Variants in RARB observed in about 807,000 individuals in gnomAD.
The protein encoded by RARB is retinoic acid receptor beta, also known as HBV-activated protein.
In RARB, 17 loss-of-function variants were observed where a neutral mutation model predicts 51.9. The observed-to-expected ratio is 0.33, with a 90% CI of 0.22 to 0.49. RARB has a LOEUF of 0.49. Ranked by LOEUF, RARB falls within the 20% of genes least tolerant of loss-of-function variation. The probability of loss-of-function intolerance (pLI) is 0.99; values close to 1 mark genes in which losing one functional copy is unlikely to be tolerated. For synonymous variants in RARB, 215 were observed against 195.4 expected (o/e 1.10, Z -0.84); for missense variants, 369 against 550.8 (o/e 0.67, Z 3.30).
chr3:25,133,752 A>G (rs988185565), intron 4 of RARB, among the ~76,000 whole-genome samples: 1 of 151,940 alleles, frequency 6.6e-6, no homozygotes, highest in Non-Finnish European at 1.5e-5. Context: ...AAAGCTGTAC[A>G]CACATATGCA....
intron 2 of RARB, among the ~76,000 whole-genome samples, chr3:25,481,894 C>T (rs1238467530): frequency 6.6e-6 from 1 of 152,160 alleles, no homozygotes; most frequent in Non-Finnish European, 1.5e-5. Context: ...AGGCTATTAA[C>T]AAATTTAATA....
chr3:25,566,871 A>G (rs1289079941), intron 3 of RARB, among the ~76,000 whole-genome samples: 1 of 152,212 alleles, frequency 6.6e-6, no homozygotes, highest in East Asian at 1.9e-4. Flanking sequence ...ATTTTCAAAC[A>G]TGGTATTGTT....
chr3:25,363,513 T>A (rs749914280), intron 5 of RARB, among the ~76,000 whole-genome samples: 16 of 152,180 alleles, frequency 1.1e-4, no homozygotes, highest in Non-Finnish European at 1.9e-4. Flanking sequence ...ACATCATTCT[T>A]GTCTCCTTTC....
intron 5 of RARB, among the ~76,000 whole-genome samples, chr3:25,329,850 G>T (rs945136241): frequency 2.0e-5 from 3 of 152,122 alleles, no homozygotes; most frequent in African/African-American, 7.2e-5. Flanking sequence ...ACCATGGCAC[G>T]AGAACTACGT....
intron 5 of RARB, among the ~76,000 whole-genome samples, chr3:25,404,045 A>G (rs1180414101): frequency 6.6e-6 from 1 of 152,088 alleles, no homozygotes; most frequent in African/African-American, 2.4e-5. Flanking sequence ...TAAGGGAAGA[A>G]GAGCCTAATC....
intron 5 of RARB, among the ~76,000 whole-genome samples, chr3:25,204,261 G>A (rs7625172): frequency 0.47 from 71,331 of 151,992 alleles, 17,914 homozygotes; most frequent in East Asian, 0.69. Flanking sequence ...CTCGTGCCAC[G>A]GTTTTCAGCT....
intron 5 of RARB, among the ~76,000 whole-genome samples, chr3:25,197,036 T>C (rs1485254451): frequency 2.0e-5 from 3 of 152,140 alleles, no homozygotes; most frequent in Admixed American, 1.3e-4. Flanking sequence ...ACTCTCATGG[T>C]AGTTTCTTTT....
intron 3 of RARB, among the ~76,000 whole-genome samples, chr3:25,116,749 T>C (rs1375358023): frequency 1.3e-5 from 2 of 152,070 alleles, no homozygotes; most frequent in African/African-American, 2.4e-5. Flanking sequence ...AACCAAAGCC[T>C]GCCTTTAAGT....
intron 3 of RARB, among the ~76,000 whole-genome samples, chr3:25,129,499 C>T (rs961111380): frequency 2.0e-5 from 3 of 151,990 alleles, no homozygotes; most frequent in Admixed American, 6.6e-5. Flanking sequence ...GAAATAGATT[C>T]AATAGCCTCA....
chr3:25,094,243 C>A (rs1042401605), intron 3 of RARB, among the ~76,000 whole-genome samples: 1 of 152,142 alleles, frequency 6.6e-6, no homozygotes. Context: ...ACACTAAAGT[C>A]TGTCTGAAAT....
At chr3:25,021,774 T>C (rs1162189868) in intron 2 of RARB, among the ~76,000 whole-genome samples, 1 of 152,140 alleles carries the variant, frequency 6.6e-6, no homozygotes, top group African/African-American at 2.4e-5. Flanking sequence ...GAAACAGTGT[T>C]GGCCAGAAAG....
intron 5 of RARB, among the ~76,000 whole-genome samples, chr3:25,340,583 C>G (rs1006080252): frequency 2.0e-5 from 3 of 152,150 alleles, no homozygotes; most frequent in Non-Finnish European, 4.4e-5. Flanking sequence ...TACTTAGAAG[C>G]AAGTGAGGAC....
intron 3 of RARB, among the ~76,000 whole-genome samples, chr3:25,123,751 A>G (rs939051821): frequency 6.6e-6 from 1 of 152,170 alleles, no homozygotes; most frequent in East Asian, 1.9e-4. Context: ...TCTTCTAGTC[A>G]TAGGCTTAGC....
At position 25,417,675 on chromosome 3, in the gene RARB, G is replaced by T. The variant is rs568777502; in HGVS notation, c.179-43518G>T. ...TCTTTTGTAAATTGCCCAGTCTCAG[G>T]TATGTCTTTATCAGCAGCATGAAAA... On this transcript the variant is annotated intron_variant, in intron 5 of 11. Coordinates refer to the RARB transcript ENST00000383772. 2.0e-5 allele frequency among the ~76,000 whole-genome samples: 3 copies of T among 152,246 alleles called. No individual in the cohort carries two copies. The South Asian group carries it at 6.2e-4, about 32-fold the overall frequency.
intron 3 of RARB, among the ~76,000 whole-genome samples, chr3:25,082,791 G>C (rs756462555): frequency 1.3e-5 from 2 of 151,896 alleles, no homozygotes; most frequent in Non-Finnish European, 2.9e-5. Flanking sequence ...TTTCTCTGCT[G>C]TTTCCAATAA....
intron 3 of RARB, among the ~76,000 whole-genome samples, chr3:25,553,588 G>A (rs1162375538): frequency 1.3e-5 from 2 of 152,192 alleles, no homozygotes; most frequent in Non-Finnish European, 2.9e-5. Context: ...AGAATGTGGA[G>A]CAATCAATAA....
intron 2 of RARB, among the ~76,000 whole-genome samples, chr3:24,999,338 G>C (rs1049753681): frequency 1.1e-4 from 16 of 152,094 alleles, no homozygotes; most frequent in African/African-American, 3.9e-4. Flanking sequence ...TGGTGTAAAA[G>C]TGACCTATTT....
intron 2 of RARB, among the ~76,000 whole-genome samples, chr3:24,960,206 G>A (rs559627743): frequency 6.6e-6 from 1 of 152,256 alleles, no homozygotes; most frequent in South Asian, 2.1e-4. Flanking sequence ...ACTTAAATTG[G>A]AGTTTTTAGG....
At chr3:25,326,679 T>C (rs1313999210) in intron 5 of RARB, among the ~76,000 whole-genome samples, 1 of 152,154 alleles carries the variant, frequency 6.6e-6, no homozygotes, top group Non-Finnish European at 1.5e-5. Context: ...GCACCTTTTG[T>C]TGTCAATCCC....
Sources: gnomAD v4.1 joint callset for allele counts (sites outside exome capture counted in the v4.1 genomes callset) on GRCh38, gnomAD v4.1.1 for gene constraint, MANE v1.5 for transcripts, NCBI Gene and HGNC (gene_info 2026-07-23, HGNC 2026-07-21) for gene names.